DGKG: variants seen among roughly 807,000 people sequenced by gnomAD.
DGKG encodes the protein diacylglycerol kinase gamma.
In DGKG, 78 loss-of-function variants were observed where a neutral mutation model predicts 105.3. That is an observed-to-expected ratio of 0.74 (90% CI 0.62 to 0.89). The LOEUF is 0.89. DGKG is among the 40% of genes least tolerant of loss of function. The pLI, the probability that DGKG is intolerant of heterozygous loss-of-function variation, is 0.00. For synonymous variants in DGKG, 346 were observed against 367.1 expected, an observed-to-expected ratio of 0.94 and a Z score of 0.66; for missense variants, 958 against 1,020.1, an observed-to-expected ratio of 0.94 and a Z score of 0.83.
In DGKG at chr3:186,226,009, G is replaced by A. The variant is rs1261009156; in HGVS notation, c.1827-14124C>T. Among the ~76,000 whole-genome samples, 1 of 152,180 alleles carries A rather than the reference G, an allele frequency of 6.6e-6. No individual in the cohort carries two copies. ...TATCATCCAAATCTACCTCTTCTGGGAAATAATATTGCAGTTGCTCTGTGT... is the reference window on the plus strand; with the variant it reads ...TATCATCCAAATCTACCTCTTCTGGAAAATAATATTGCAGTTGCTCTGTGT... On this transcript the variant is annotated intron_variant, in intron 20 of 24. Coordinates refer to ENST00000265022, the MANE Select transcript of DGKG (RefSeq NM_001346.3). The surrounding 1 kb of genome is among the most constrained non-coding windows in gnomAD (Gnocchi z 4.2).
rs75588982 is a variant in DGKG at position 186,320,275 on chromosome 3, C to T, written c.67+118G>A. 8,027 of 1,190,520 alleles carry T rather than the reference C, an allele frequency of 6.7e-3. 397 individuals are homozygous for T. In the African/African-American group the frequency reaches 0.11, roughly 16 times the overall value. The allele number at this position is 1,190,520 out of a possible 1,614,324, so 73.7% of individuals were successfully genotyped here. A position where few individuals can be genotyped will look rare whatever the true frequency, so the allele number is the denominator to read the frequency against. ...TCTGTGTTTATAAGGAAATATAAGC[C>T]GTCAGGCCTGACATCATTCTTTGTG... is the stretch of plus-strand genomic sequence containing the variant. On this transcript the variant is annotated intron_variant, in intron 2 of 24. Transcript: ENST00000265022.
chr3:186,268,362 G>C (rs932476577), intron 12 of DGKG, among the ~76,000 whole-genome samples: 1 of 152,198 alleles, frequency 6.6e-6, no homozygotes, highest in African/African-American at 2.4e-5. Context: ...GGTGGCAGCA[G>C]GTCCAAACCT....
At chr3:186,163,940 T>C (rs767463566) in intron 23 of DGKG, among the ~76,000 whole-genome samples, 1 of 151,974 alleles carries the variant, frequency 6.6e-6, no homozygotes, top group African/African-American at 2.4e-5. Flanking sequence ...CTTTGGGGAA[T>C]AGAAAAGACA....
intron 1 of DGKG, among the ~76,000 whole-genome samples, chr3:186,351,552 G>A (rs926595038): frequency 2.0e-5 from 3 of 152,192 alleles, no homozygotes; most frequent in Non-Finnish European, 4.4e-5. Flanking sequence ...GGGTTCAGTG[G>A]TGACTCGTGA....
At chr3:186,222,750 G>A (rs1310969485) in intron 20 of DGKG, among the ~76,000 whole-genome samples, 10 of 151,600 alleles carry the variant, frequency 6.6e-5, no homozygotes, top group South Asian at 6.2e-4. Context: ...AGGCTGAGGC[G>A]GGCGGATCAT....
intron 22 of DGKG, among the ~76,000 whole-genome samples, chr3:186,187,319 C>A (rs1251845330): frequency 6.6e-6 from 1 of 152,138 alleles, no homozygotes; most frequent in Non-Finnish European, 1.5e-5. Flanking sequence ...GTGGTTGAAT[C>A]CTGGATGTTT....
chr3:186,320,289 T>G (rs765281342), intron 2 of DGKG, 104 bp downstream of exon 2: 6 of 1,387,286 alleles, frequency 4.3e-6, no homozygotes, highest in Non-Finnish European at 6.0e-6. Flanking sequence ...AGGCCTGACA[T>G]CATTCTTTGT....
chr3:186,271,312 A>G (rs1413222676), intron 11 of DGKG, among the ~76,000 whole-genome samples: 3 of 151,984 alleles, frequency 2.0e-5, no homozygotes, highest in Non-Finnish European at 4.4e-5. Flanking sequence ...CCCCATCACC[A>G]TGTCCTGGTC....
intron 20 of DGKG, among the ~76,000 whole-genome samples, chr3:186,222,517 C>T (rs1719635306): frequency 6.6e-6 from 1 of 152,200 alleles, no homozygotes; most frequent in Non-Finnish European, 1.5e-5. Context: ...TATGACCTAC[C>T]TTGCAGGGGT....
chr3:186,305,689 T>C (rs1724201321), intron 3 of DGKG, among the ~76,000 whole-genome samples: 2 of 152,162 alleles, frequency 1.3e-5, no homozygotes, highest in Admixed American at 1.3e-4. Flanking sequence ...TGGTGATGAC[T>C]CAGGTCGGGA....
intron 3 of DGKG, among the ~76,000 whole-genome samples, chr3:186,302,566 G>GCA (rs1553816365): frequency 8.7e-6 from 1 of 114,782 alleles, no homozygotes; most frequent in African/African-American, 3.8e-5. Context: ...ATACACATAT[G>GCA]TATATATATA....
At chr3:186,215,755 G>C (rs1442639398) in intron 20 of DGKG, among the ~76,000 whole-genome samples, 1 of 152,102 alleles carries the variant, frequency 6.6e-6, no homozygotes, top group Non-Finnish European at 1.5e-5. Context: ...CCAAGTTTTT[G>C]TCTTAGACAG....
intron 1 of DGKG, among the ~76,000 whole-genome samples, chr3:186,342,172 A>T (rs1350101867): frequency 6.6e-6 from 1 of 152,220 alleles, no homozygotes; most frequent in Admixed American, 6.5e-5. Flanking sequence ...ATAATAAAAA[A>T]AAATACTAGA....
At chr3:186,291,661 A>T (rs6763307) in intron 5 of DGKG, among the ~76,000 whole-genome samples, 105,880 of 151,688 alleles carry the variant, frequency 0.7, 37,141 homozygotes, top group East Asian at 0.9. Flanking sequence ...GTGTATGATA[A>T]CATTTATATA....
At chr3:186,177,187 G>C (rs573366189) in intron 22 of DGKG, among the ~76,000 whole-genome samples, 63 of 152,250 alleles carry the variant, frequency 4.1e-4, no homozygotes, top group Middle Eastern at 3.4e-3. Flanking sequence ...AACTGCACAT[G>C]ACTCTCAGAT....
At chr3:186,183,813 T>G (rs1430499647) in intron 22 of DGKG, among the ~76,000 whole-genome samples, 4 of 152,252 alleles carry the variant, frequency 2.6e-5, no homozygotes, top group Middle Eastern at 6.8e-3. Flanking sequence ...CAAGCGATTG[T>G]CCTGCCTCAG....
chr3:186,182,925 T>A (rs1332578391), intron 22 of DGKG, among the ~76,000 whole-genome samples: 1 of 152,084 alleles, frequency 6.6e-6, no homozygotes, highest in Non-Finnish European at 1.5e-5. Context: ...AGGGAAAACA[T>A]ATGATGAGAA....
chr3:186,256,302 C>A (rs957095071), intron 17 of DGKG, among the ~76,000 whole-genome samples: 2 of 152,182 alleles, frequency 1.3e-5, no homozygotes, highest in African/African-American at 4.8e-5. Flanking sequence ...CTACTTACAG[C>A]CCCCGGAGGC....
At chr3:186,269,636 A>C (rs1722222547) in intron 11 of DGKG, among the ~76,000 whole-genome samples, 1 of 152,196 alleles carries the variant, frequency 6.6e-6, no homozygotes, top group Admixed American at 6.5e-5. Context: ...GGTGGGGCAC[A>C]TGATTAATAT....
Sources: allele counts gnomAD v4.1 joint callset (sites outside exome capture counted in the v4.1 genomes callset), GRCh38; gene constraint gnomAD v4.1.1; non-coding constraint Gnocchi (gnomAD v3.1); transcripts MANE v1.5; gene names NCBI Gene and HGNC (gene_info 2026-07-23, HGNC 2026-07-21).